The following HOMEZ variants were observed in gnomAD, a reference collection of about 807,000 sequenced individuals.
The protein encoded by HOMEZ is homeobox and leucine zipper protein Homez.
HOMEZ carries 20 observed loss-of-function variants against 50.1 expected under a neutral mutation model. The ratio of observed to expected loss-of-function variants is 0.40; its 90% CI spans 0.28 to 0.58. HOMEZ has a LOEUF of 0.58. Ranked by LOEUF, HOMEZ falls within the 20% of genes least tolerant of loss-of-function variation. The probability of loss-of-function intolerance (pLI) is 0.46; values close to 1 mark genes in which losing one functional copy is unlikely to be tolerated. For missense variants in HOMEZ, 579 were observed against 680.5 expected (o/e 0.85, Z 1.66); for synonymous variants, 239 against 254.7 (o/e 0.94, Z 0.59).
At position 23,276,792 on chromosome 14, in the gene HOMEZ, C is replaced by G; in HGVS notation, c.436G>C (p.Gly146Arg). 6.2e-7 allele frequency: 1 copy of G among 1,614,016 alleles called. No individual in the cohort carries two copies. The highest frequency in any genetic ancestry group is 8.5e-7 in the Non-Finnish European group (1 of 1,179,878). ...GGAGGCACCTCCTCTGGGGGCCGTC[C>G]CGCATGATGAGTAAAAGAGAGAAGG... Reference protein sequence around the residue: ...KSLLSFTHHAGRPPEEVPPPP... With the variant: ...KSLLSFTHHARRPPEEVPPPP... The change falls in exon 2 of 2, where the codon GGA (glycine) becomes CGA (arginine). Residue 146 changes from glycine (G) to arginine (R), a missense_variant. Gly to Arg is a moderately radical substitution (Grantham distance 125, BLOSUM62 -2). Coordinates refer to ENST00000357460, the MANE Select transcript of HOMEZ (RefSeq NM_020834.3). The surrounding 1 kb of genome is among the most constrained non-coding windows in gnomAD (Gnocchi z 4.1).
intron 1 of HOMEZ, among the ~76,000 whole-genome samples, chr14:23,281,092 A>T (rs1336628167): frequency 6.6e-6 from 1 of 151,804 alleles, no homozygotes; most frequent in African/African-American, 2.4e-5. Context: ...TTTAAGTATT[A>T]CTCCTGATCT....
Position 23,277,192 on chromosome 14 carries a change from A to G in HOMEZ, c.41-5T>C. On this transcript the variant is annotated splice_region_variant and splice_polypyrimidine_tract_variant and intron_variant, in intron 1 of 1. Transcript: ENST00000357460. The stretch of plus-strand genomic sequence containing the variant: ...ATTTGTGCCCTTCAGAGATAGCTGC[A>G]ATAAGAAGACAAACAGCTCAATCAC... The G allele has an allele frequency of 1.3e-6, 2 of 1,538,670 alleles. No individual in the cohort carries two copies. Among genetic ancestry groups the G allele is most frequent in the Non-Finnish European group, 8.8e-7 (1 of 1,141,366 alleles).
Position 23,275,024 on chromosome 14 carries a change from C to G in HOMEZ, c.*551G>C, listed in dbSNP as rs975435211. On this transcript the variant is annotated 3_prime_UTR_variant, in exon 2 of 2. Coordinates refer to ENST00000357460, the MANE Select transcript of HOMEZ (RefSeq NM_020834.3). ...ATTAATATTTGTGATGAGACTGGGACTTATTGAGAATCTTGGTTGTCTAGG... is the reference window on the plus strand; with the variant it reads ...ATTAATATTTGTGATGAGACTGGGAGTTATTGAGAATCTTGGTTGTCTAGG... 1.3e-5 allele frequency: 2 copies of G among 152,276 alleles called. No individual in the cohort carries two copies. Among genetic ancestry groups the G allele is most frequent in the African/African-American group, 4.8e-5 (2 of 41,344 alleles). The allele number at this position is 152,276 out of a possible 1,614,324, so 9.4% of individuals were successfully genotyped here. A position where few individuals can be genotyped will look rare whatever the true frequency, so the allele number is the denominator to read the frequency against.
chr14:23,275,960 G>A lies in HOMEZ; in HGVS notation c.1268C>T (p.Ala423Val). The A allele has an allele frequency of 6.2e-7, 1 of 1,612,746 alleles. No individual in the cohort carries two copies. The highest frequency in any genetic ancestry group is 8.5e-7 in the Non-Finnish European group (1 of 1,179,322). ...TTGGAAACTAGGGGCACCAGGTACT[G>A]CGTTGTCCCGAAACCACTTTAGTTG... is the stretch of plus-strand genomic sequence containing the variant. ...HGQLKWFRDN[A>V]VPGAPSFQDP... is the part of the protein sequence containing the mutation. The change falls in exon 2 of 2, where the codon GCA becomes GTA. Residue 423 changes from alanine (A) to valine (V), a missense_variant. Transcript: ENST00000357460.
chr14:23,283,423 T>C (rs1431876553), intron 1 of HOMEZ, among the ~76,000 whole-genome samples: 1 of 152,102 alleles, frequency 6.6e-6, no homozygotes, highest in East Asian at 1.9e-4. Context: ...TCTCTCTCTC[T>C]CTGAGACAGT....
Position 23,286,005 on chromosome 14 carries a change from T to A in HOMEZ, c.-53A>T. 8.1e-7 allele frequency: 1 copy of A among 1,234,612 alleles called. No individual in the cohort carries two copies. The highest frequency in any genetic ancestry group is 1.0e-6 in the Non-Finnish European group (1 of 986,374). The allele number at this position is 1,234,612 out of a possible 1,614,324, so 76.5% of individuals were successfully genotyped here. On this transcript the variant is annotated 5_prime_UTR_variant, in exon 1 of 2. Coordinates refer to ENST00000357460, the MANE Select transcript of HOMEZ (RefSeq NM_020834.3). Reference sequence around the variant, plus strand: ...AGGGGGCCTCCGAGTGGGAGTGGGGTTGCTGCCCGGTGCGGCCGCTCCGAG... The same window carrying A: ...AGGGGGCCTCCGAGTGGGAGTGGGGATGCTGCCCGGTGCGGCCGCTCCGAG...
Position 23,276,405 on chromosome 14 carries a change from C to G in HOMEZ, c.823G>C (p.Glu275Gln), listed in dbSNP as rs746716505. The change falls in exon 2 of 2, where the codon GAG (glutamate) becomes CAG (glutamine). Residue 275 changes from glutamate (E) to glutamine (Q), a missense_variant. Physicochemically the swap from Glu to Gln is conservative, Grantham distance 29 (BLOSUM62 2). Transcript: ENST00000357460. The surrounding 1 kb of genome is among the most constrained non-coding windows in gnomAD (Gnocchi z 4.1). ...GGAGTAACACTAGATGCTGACTCCT[C>G]CTTACAACTACTGGCAATTAATGCA... ...PIALIASSCK[E>Q]ESASSVTPSS... The G allele has an allele frequency of 5.0e-6, 8 of 1,613,908 alleles. No individual in the cohort carries two copies. The Admixed American group carries it at 1.3e-4, about 27-fold the overall frequency.
At chr14:23,281,864 C>T (rs1333388855) in intron 1 of HOMEZ, among the ~76,000 whole-genome samples, 5 of 150,586 alleles carry the variant, frequency 3.3e-5, no homozygotes, top group South Asian at 2.1e-4. Flanking sequence ...GGCATGGTGG[C>T]GCAACTGTAG....
At chr14:23,278,824 T>C (rs1022286127) in intron 1 of HOMEZ, among the ~76,000 whole-genome samples, 2 of 151,048 alleles carry the variant, frequency 1.3e-5, no homozygotes, top group Non-Finnish European at 3.0e-5. Context: ...TACAGGCGTG[T>C]GCCACCATGC....
Position 23,276,778 on chromosome 14 carries a change from C to T in HOMEZ, c.450G>A (p.Glu150=). 6.2e-7 allele frequency: 1 copy of T among 1,614,068 alleles called. No individual in the cohort carries two copies. Among genetic ancestry groups the T allele is most frequent in the Non-Finnish European group, 8.5e-7 (1 of 1,179,898 alleles). ...CTGGCACTGGAGGAGGAGGCACCTC[C>T]TCTGGGGGCCGTCCCGCATGATGAG... ...SFTHHAGRPP[E]EVPPPPVPAP... is the part of the protein sequence containing the mutation. Residue 150 remains glutamate, a synonymous_variant, in exon 2 of 2, where the codon GAG becomes GAA. Transcript: ENST00000357460. The surrounding 1 kb of genome is among the most constrained non-coding windows in gnomAD (Gnocchi z 4.1).
In HOMEZ at chr14:23,285,909, T is replaced by C; in HGVS notation, c.40+4A>G. 8.0e-7 allele frequency: 1 copy of C among 1,246,532 alleles called. No homozygotes were observed. The allele number at this position is 1,246,532 out of a possible 1,614,324, so 77.2% of individuals were successfully genotyped here. On this transcript the variant is annotated splice_donor_region_variant and intron_variant, in intron 1 of 1. Coordinates refer to ENST00000357460, the MANE Select transcript of HOMEZ (RefSeq NM_020834.3). ...GGAAGTCCAAGGGGCTGGGGATCAC[T>C]CACCGCAGTCCAGCCCGGGCGGCGG...
At position 23,276,184 on chromosome 14, in the gene HOMEZ, C is replaced by T. The variant is rs2140501460; in HGVS notation, c.1044G>A (p.Glu348=). The part of the protein sequence containing the change: ...NSVPGRVGPT[E]YLSPDMQRQR... The stretch of plus-strand genomic sequence containing the variant: ...GGCGTTGCATATCTGGGGAAAGGTA[C>T]TCTGTGGGGCCAACTCTACCTGGTA... Residue 348 remains glutamate, a synonymous_variant, in exon 2 of 2, where the codon GAG becomes GAA. Transcript: ENST00000357460. The surrounding 1 kb of genome is among the most constrained non-coding windows in gnomAD (Gnocchi z 4.1). 6.2e-7 allele frequency: 1 copy of T among 1,613,916 alleles called. No homozygotes were observed. Among genetic ancestry groups the T allele is most frequent in the South Asian group, 1.1e-5 (1 of 91,064 alleles).
intron 1 of HOMEZ, among the ~76,000 whole-genome samples, chr14:23,283,964 G>A (rs1477505263): frequency 1.3e-5 from 2 of 152,144 alleles, no homozygotes; most frequent in Admixed American, 6.5e-5. Flanking sequence ...TTTATTTAGA[G>A]ACAATCTGAA....
rs370874346 is a variant in HOMEZ, at chr14:23,280,783, AT to A, written c.41-3597del. 4.0e-4 allele frequency among the ~76,000 whole-genome samples: 42 copies of A among 104,312 alleles called. 1 individual carries two copies. The highest frequency in any genetic ancestry group is 1.3e-3 in the African/African-American group (42 of 31,318). 68.4% of individuals were successfully genotyped at this position (104,312 alleles called of 152,430 possible). On this transcript the variant is annotated intron_variant, in intron 1 of 1. Transcript: ENST00000357460. ...ATTTTATTTTATTTTATTTTATTTT[AT>A]TTTATTTGGAGACGGAGTCTTGCTC...
chr14:23,277,560 C>T (rs753115084), intron 1 of HOMEZ, among the ~76,000 whole-genome samples: 7 of 152,050 alleles, frequency 4.6e-5, no homozygotes, highest in Non-Finnish European at 8.8e-5. Flanking sequence ...TTGATACCAG[C>T]CTGGGCAACA....
chr14:23,280,737 TTTA>T (rs377748983), intron 1 of HOMEZ, among the ~76,000 whole-genome samples: 788 of 20,886 alleles, frequency 0.038, 45 homozygotes, highest in African/African-American at 0.069. Flanking sequence ...TTTATTTTAT[TTTA>T]TTATTTTATT....
In HOMEZ at chr14:23,272,808, T is replaced by G; in HGVS notation, c.*2767A>C. Reference sequence around the variant, plus strand: ...TTATAAACACCCACATCTACCTTCTTGTCCTCTGCTGCAGACTCTCTACCA... The same window carrying G: ...TTATAAACACCCACATCTACCTTCTGGTCCTCTGCTGCAGACTCTCTACCA... On this transcript the variant is annotated 3_prime_UTR_variant, in exon 2 of 2. Transcript: ENST00000357460. The G allele has an allele frequency of 4.5e-6, 7 of 1,539,936 alleles. No individual in the cohort carries two copies. The highest frequency in any genetic ancestry group is 1.2e-5 in the South Asian group (1 of 83,844).
rs1314138258 is a variant in HOMEZ, at chr14:23,274,383, A to G, written c.*1192T>C. On this transcript the variant is annotated 3_prime_UTR_variant, in exon 2 of 2. Transcript: ENST00000357460. ...AACCTACCTTCACTGCCCTTCAACA[A>G]GGAGAAACTATTCCCTCTCTTTCAC... 2 of 152,668 alleles carry G rather than the reference A, an allele frequency of 1.3e-5. No homozygotes were observed. The highest frequency in any genetic ancestry group is 4.8e-5 in the African/African-American group (2 of 41,468). 9.5% of individuals were successfully genotyped at this position (152,668 alleles called of 1,614,324 possible).
rs1886318154 is a variant in HOMEZ, at chr14:23,275,373, T to C, written c.*202A>G. 1 of 626,846 alleles carries C rather than the reference T, an allele frequency of 1.6e-6. No homozygotes were observed. The highest frequency in any genetic ancestry group is 2.7e-6 in the Non-Finnish European group (1 of 371,500). The allele number at this position is 626,846 out of a possible 1,614,324, so 38.8% of individuals were successfully genotyped here. A position where few individuals can be genotyped will look rare whatever the true frequency, so the allele number is the denominator to read the frequency against. ...GGTTAGAGGGTTGGATTTCTGCTGA[T>C]CCAATCCCAGCCTTACTTAGTGCCC... is the stretch of plus-strand genomic sequence containing the variant. On this transcript the variant is annotated 3_prime_UTR_variant, in exon 2 of 2. Coordinates refer to ENST00000357460, the MANE Select transcript of HOMEZ (RefSeq NM_020834.3).
Sources: gnomAD v4.1 joint callset for allele counts (sites outside exome capture counted in the v4.1 genomes callset) on GRCh38, gnomAD v4.1.1 for gene constraint, Gnocchi (gnomAD v3.1) non-coding constraint, MANE v1.5 for transcripts, NCBI Gene and HGNC (gene_info 2026-07-23, HGNC 2026-07-21) for gene names.